BDH1: variants seen among roughly 807,000 people sequenced by gnomAD.
The protein encoded by BDH1 is D-beta-hydroxybutyrate dehydrogenase, mitochondrial.
A neutral mutation model predicts 33.1 loss-of-function variants in BDH1; 30 were observed. The ratio of observed to expected loss-of-function variants is 0.91; its 90% CI spans 0.68 to 1.23. The LOEUF (loss-of-function observed/expected upper bound fraction) is 1.23, where lower values mean the gene tolerates loss of function less well. Among genes scored for constraint, BDH1 ranks in the 50% most tolerant of loss-of-function variants. BDH1 has a pLI of 0.00. For synonymous variants in BDH1, 190 were observed against 183.6 expected (o/e 1.03, Z -0.28); for missense variants, 443 against 464.4 (o/e 0.95, Z 0.42).
chr3:197,522,527 C>T lies in BDH1; in HGVS notation c.409+113G>A. On this transcript the variant is annotated intron_variant, in intron 6 of 7. Coordinates refer to ENST00000392379, the MANE Select transcript of BDH1 (RefSeq NM_203314.3). The surrounding 1 kb of genome is among the most constrained non-coding windows in gnomAD (Gnocchi z 4.8). ...TACTGTGCAGGAGGAAGAGCCTAAA[C>T]AATAAGGAAGGGAGTGTGGTGGCAG... 2 of 1,400,712 alleles carry T rather than the reference C, an allele frequency of 1.4e-6. No homozygotes were observed. Among genetic ancestry groups the T allele is most frequent in the Non-Finnish European group, 2.0e-6 (2 of 1,015,120 alleles). 86.8% of individuals were successfully genotyped at this position (1,400,712 alleles called of 1,614,324 possible).
chr3:197,567,255 G>A (rs1216314015), intron 1 of BDH1, among the ~76,000 whole-genome samples: 1 of 152,144 alleles, frequency 6.6e-6, no homozygotes, highest in African/African-American at 2.4e-5. Flanking sequence ...AGAAAAGGAG[G>A]GAAACGTGAA....
At chr3:197,531,224 C>T (rs966119065) in intron 5 of BDH1, among the ~76,000 whole-genome samples, 1 of 151,642 alleles carries the variant, frequency 6.6e-6, no homozygotes, top group Admixed American at 6.6e-5. Flanking sequence ...GGTGAAACCC[C>T]GTCTCTAATA....
upstream of BDH1, among the ~76,000 whole-genome samples, chr3:197,560,813 C>T (rs1336632445): frequency 1.3e-5 from 2 of 152,206 alleles, no homozygotes; most frequent in Non-Finnish European, 2.9e-5. Context: ...TCCCCCTGCT[C>T]ACTGAGATAA....
Position 197,511,900 on chromosome 3 carries a change from G to A in BDH1, c.1027C>T (p.Arg343Cys), listed in dbSNP as rs752650625. 10 of 1,555,326 alleles carry A rather than the reference G, an allele frequency of 6.4e-6. No homozygotes were observed. The highest frequency in any genetic ancestry group is 2.3e-5 in the East Asian group (1 of 44,384). The change falls in exon 8 of 8, where the codon CGC becomes TGC. Residue 343 changes from arginine (R) to cysteine (C), a missense_variant. Transcript: ENST00000392379. ...AGAGGCCACAGCGAGACTCTTCAGC[G>A]GATGTAGATCATGTCGGAGATGGCT... is the stretch of plus-strand genomic sequence containing the variant. ...PGAISDMIYIR is the reference protein window; with the variant it reads ...PGAISDMIYIC
At chr3:197,549,547 C>G (rs1716379250) in intron 2 of BDH1, among the ~76,000 whole-genome samples, 2 of 152,202 alleles carry the variant, frequency 1.3e-5, no homozygotes, top group African/African-American at 4.8e-5. Flanking sequence ...CCGGGTCACA[C>G]AAGGCAGGAA....
intron 4 of BDH1, among the ~76,000 whole-genome samples, chr3:197,533,003 A>G (rs1169533567): frequency 6.6e-6 from 1 of 152,010 alleles, no homozygotes; most frequent in Non-Finnish European, 1.5e-5. Context: ...TCAGCCTCCC[A>G]AGTAGCTGGG....
In BDH1 at chr3:197,523,695, A is replaced by C. The variant is rs1294870340; in HGVS notation, c.268-914T>G. On this transcript the variant is annotated intron_variant, in intron 5 of 7. Transcript: ENST00000392379. The surrounding 1 kb of genome is among the most constrained non-coding windows in gnomAD (Gnocchi z 4.5). The stretch of plus-strand genomic sequence containing the variant: ...GTTCTAGGGAAGGAGACAGGTGAGC[A>C]CGTAAGCGACACAGTGACTGTGTGC... Among the ~76,000 whole-genome samples, 1 of 152,142 alleles carries C rather than the reference A, an allele frequency of 6.6e-6. No individual in the cohort carries two copies. Among genetic ancestry groups the C allele is most frequent in the Non-Finnish European group, 1.5e-5 (1 of 68,028 alleles).
intron 3 of BDH1, chr3:197,543,174 CG>C (rs1430330126): frequency 2.0e-6 from 2 of 985,266 alleles, no homozygotes; most frequent in African/African-American, 3.5e-5. Flanking sequence ...TCTAACAAGA[CG>C]GGGCTTAGGA....
Position 197,523,043 on chromosome 3 carries a change from C to A in BDH1, c.268-262G>T, listed in dbSNP as rs1713727750. On this transcript the variant is annotated intron_variant, in intron 5 of 7. Coordinates refer to ENST00000392379, the MANE Select transcript of BDH1 (RefSeq NM_203314.3). The surrounding 1 kb of genome is among the most constrained non-coding windows in gnomAD (Gnocchi z 4.5). ...GCCCCCAAGGCCTCAAGACAGGATT[C>A]CTTCTCCAAGCAGGGGTTGCAAACT... 6.6e-6 allele frequency: 3 copies of A among 451,336 alleles called. No homozygotes were observed. Among genetic ancestry groups the A allele is most frequent in the African/African-American group, 4.0e-5 (2 of 50,334 alleles). 28.0% of individuals were successfully genotyped at this position (451,336 alleles called of 1,614,324 possible). A position where few individuals can be genotyped will look rare whatever the true frequency, so the allele number is the denominator to read the frequency against.
chr3:197,548,092 C>G (rs981206727), intron 2 of BDH1, among the ~76,000 whole-genome samples: 1 of 152,216 alleles, frequency 6.6e-6, no homozygotes, highest in African/African-American at 2.4e-5. Flanking sequence ...ACTCTGAGTC[C>G]CTGGGGAGTG....
intron 6 of BDH1, chr3:197,515,812 G>A: frequency 1.3e-6 from 1 of 795,084 alleles, no homozygotes; most frequent in Non-Finnish European, 1.5e-6. Context: ...GCTGAGGCAG[G>A]AAAATCTCTT....
In BDH1 at chr3:197,567,618, G is replaced by A. The variant is rs9819231; in HGVS notation, c.-44+5563C>T. ...GCTCTGACCACCTTGGGCACATGTC[G>A]TCAGGACCGCTTGAGGCAGTGTTAC... On this transcript the variant is annotated intron_variant, in intron 1 of 6. Coordinates refer to the BDH1 transcript ENST00000358186. Among the ~76,000 whole-genome samples the A allele has an allele frequency of 4.4e-3, 673 of 152,188 alleles. 5 individuals carry two copies. The highest frequency in any genetic ancestry group is 0.015 in the African/African-American group (609 of 41,508).
rs1300275327 is a variant in BDH1 at position 197,566,139 on chromosome 3, ATGTG to A, written c.-44+7038_-44+7041del. On this transcript the variant is annotated intron_variant, in intron 1 of 6. Coordinates refer to the BDH1 transcript ENST00000358186. ...CTGATTTCTCCAAAATTTGGGAACT[ATGTG>A]TGAGTATTCTTATGACAATACAGTT... Among the ~76,000 whole-genome samples the A allele has an allele frequency of 2.0e-5, 3 of 152,266 alleles. No individual in the cohort carries two copies. In the East Asian group the frequency reaches 5.8e-4, roughly 29 times the overall value.
chr3:197,531,340 G>A (rs1376232175), intron 5 of BDH1, among the ~76,000 whole-genome samples: 1 of 151,248 alleles, frequency 6.6e-6, no homozygotes, highest in South Asian at 2.1e-4. Context: ...AGGTTGCAGT[G>A]AGCCAAGATT....
chr3:197,572,359 GA>G (rs1717636498), intron 1 of BDH1, among the ~76,000 whole-genome samples: 1 of 152,196 alleles, frequency 6.6e-6, no homozygotes, highest in Admixed American at 6.5e-5. Context: ...TTATAGATTA[GA>G]AGAAGTTAAT....
At chr3:197,535,686 A>ATGTCAAGTCTCAGAGCTCTT (rs1386744586) in intron 3 of BDH1, among the ~76,000 whole-genome samples, 2 of 152,162 alleles carry the variant, frequency 1.3e-5, no homozygotes, top group Non-Finnish European at 2.9e-5. Flanking sequence ...CATGCTTTTG[A>ATGTCAAGTCTCAGAGCTCTT]TGTCAAGTCT....
At chr3:197,533,338 A>G in intron 4 of BDH1, 151 bp downstream of exon 4, 2 of 750,152 alleles carry the variant, frequency 2.7e-6, no homozygotes, top group African/African-American at 3.5e-5. Flanking sequence ...ATTACTGATG[A>G]GGGGCTTTGG....
chr3:197,556,505 T>C (rs988026041), upstream of BDH1, among the ~76,000 whole-genome samples: 3 of 151,802 alleles, frequency 2.0e-5, no homozygotes, highest in Non-Finnish European at 4.4e-5. Flanking sequence ...CAGTCTCTAC[T>C]AAAAATACAA....
Position 197,510,452 on chromosome 3 carries a change from C to T in BDH1, c.*1443G>A, listed in dbSNP as rs1711796222. 1 of 152,410 alleles carries T rather than the reference C, an allele frequency of 6.6e-6. No individual in the cohort carries two copies. Among genetic ancestry groups the T allele is most frequent in the Admixed American group, 6.5e-5 (1 of 15,284 alleles). The allele number at this position is 152,410 out of a possible 1,614,324, so 9.4% of individuals were successfully genotyped here. Reference sequence around the variant, plus strand: ...TTTGGCTTCGGTCCCAACATACAGGCCCTGGGCAGTCGCAGGGATGGCAGC... The same window carrying T: ...TTTGGCTTCGGTCCCAACATACAGGTCCTGGGCAGTCGCAGGGATGGCAGC... On this transcript the variant is annotated 3_prime_UTR_variant, in exon 8 of 8. Transcript: ENST00000392379.
Sources: allele counts gnomAD v4.1 joint callset (sites outside exome capture counted in the v4.1 genomes callset), GRCh38; gene constraint gnomAD v4.1.1; non-coding constraint Gnocchi (gnomAD v3.1); transcripts MANE v1.5; gene names NCBI Gene and HGNC (gene_info 2026-07-23, HGNC 2026-07-21).